The following TMEM38A variants were observed in gnomAD, a reference collection of about 807,000 sequenced individuals.
TMEM38A encodes the protein transmembrane protein 38A.
In TMEM38A, 17 loss-of-function variants were observed where a neutral mutation model predicts 28.6. That is an observed-to-expected ratio of 0.60 (90% CI 0.41 to 0.89). TMEM38A has a LOEUF of 0.89. TMEM38A is among the 40% of genes least tolerant of loss of function. TMEM38A has a pLI of 0.00. For synonymous variants in TMEM38A, 169 were observed against 166.1 expected (o/e 1.02, Z -0.14); for missense variants, 328 against 393.1 (o/e 0.83, Z 1.40).
chr19:16,671,548 G>A (rs1242433745), intron 1 of TMEM38A, among the ~76,000 whole-genome samples: 3 of 151,688 alleles, frequency 2.0e-5, no homozygotes, highest in East Asian at 3.9e-4. Flanking sequence ...ACTAAGGCTT[G>A]GGGGGGCAGG....
In TMEM38A at chr19:16,661,188, T is replaced by C; in HGVS notation, c.-30T>C. 3 of 1,337,292 alleles carry C rather than the reference T, an allele frequency of 2.2e-6. No individual in the cohort carries two copies. The highest frequency in any genetic ancestry group is 2.9e-6 in the Non-Finnish European group (3 of 1,030,988). 82.8% of individuals were successfully genotyped at this position (1,337,292 alleles called of 1,614,324 possible). A position where few individuals can be genotyped will look rare whatever the true frequency, so the allele number is the denominator to read the frequency against. On this transcript the variant is annotated 5_prime_UTR_variant, in exon 1 of 6. Coordinates refer to ENST00000187762, the MANE Select transcript of TMEM38A (RefSeq NM_024074.4). This position sits in a 1 kb window ranked among gnomAD's most constrained non-coding sequence, Gnocchi z 6.5. ...GGACGGACGAGGCCGGGGCCCCGGG[T>C]GGCACCCGGCAGGCGGGCAGGCGGG... is the stretch of plus-strand genomic sequence containing the variant.
chr19:16,688,020 A>T (rs898934645), intron 5 of TMEM38A, 124 bp from the exon 6 acceptor site: 1 of 656,894 alleles, frequency 1.5e-6, no homozygotes. Context: ...GGTCTGGGCT[A>T]CCTCCAACCT....
chr19:16,667,509 A>C (rs1310826975), intron 1 of TMEM38A, among the ~76,000 whole-genome samples: 1 of 152,162 alleles, frequency 6.6e-6, no homozygotes, highest in Non-Finnish European at 1.5e-5. Flanking sequence ...AGAATCTCTC[A>C]GACCAGTACT....
intron 1 of TMEM38A, among the ~76,000 whole-genome samples, chr19:16,670,172 A>G (rs868430971): frequency 1.0e-4 from 15 of 150,066 alleles, no homozygotes; most frequent in East Asian, 2.0e-4. Context: ...GTTTCATTCT[A>G]TTGGCCAGGC....
intron 4 of TMEM38A, among the ~76,000 whole-genome samples, chr19:16,684,141 C>CAGAG (rs10687050): frequency 8.8e-5 from 13 of 147,770 alleles, no homozygotes; most frequent in African/African-American, 2.5e-4. Context: ...AAGAAAGAAA[C>CAGAG]AGAGAGAGAG....
Position 16,680,544 on chromosome 19 carries a change from C to T in TMEM38A, c.429C>T (p.His143=), listed in dbSNP as rs771358505. The change falls in exon 3 of 6, where the codon CAC becomes CAT. Residue 143 remains histidine, a synonymous_variant. Coordinates refer to ENST00000187762, the MANE Select transcript of TMEM38A (RefSeq NM_024074.4). ...ATCACGCCCATCACCACTACCACCA[C>T]GGGTGGTTCGTCATGATTGCAACTG... ...GIHHAHHHYH[H]GWFVMIATGW... is the part of the protein sequence containing the mutation. 5.0e-5 allele frequency: 81 copies of T among 1,613,994 alleles called. 1 individual carries two copies. Among genetic ancestry groups the T allele is most frequent in the South Asian group, 4.7e-4 (43 of 91,092 alleles).
At chr19:16,685,669 A>G (rs1484635513) in intron 4 of TMEM38A, among the ~76,000 whole-genome samples, 1 of 152,164 alleles carries the variant, frequency 6.6e-6, no homozygotes, top group Non-Finnish European at 1.5e-5. Flanking sequence ...TGCATGGCCC[A>G]AGACCCCCAC....
At chr19:16,681,312 G>A (rs1488696681) in intron 3 of TMEM38A, among the ~76,000 whole-genome samples, 3 of 151,990 alleles carry the variant, frequency 2.0e-5, no homozygotes, top group Admixed American at 6.6e-5. Flanking sequence ...AAAAAATAAA[G>A]TAATAATGAA....
intron 1 of TMEM38A, among the ~76,000 whole-genome samples, chr19:16,667,277 A>AG (rs2086707399): frequency 7.7e-6 from 1 of 130,002 alleles, no homozygotes; most frequent in Admixed American, 7.3e-5. Context: ...ACTCCATTTC[A>AG]GGAAAAAAAA....
intron 3 of TMEM38A, among the ~76,000 whole-genome samples, chr19:16,681,402 A>G (rs2086781656): frequency 6.6e-6 from 1 of 152,218 alleles, no homozygotes; most frequent in African/African-American, 2.4e-5. Flanking sequence ...ATAAACATAT[A>G]TGCACCTAGA....
intron 1 of TMEM38A, among the ~76,000 whole-genome samples, chr19:16,671,269 G>A (rs150418464): frequency 1.4e-5 from 2 of 141,578 alleles, no homozygotes; most frequent in African/African-American, 2.7e-5. Flanking sequence ...GCAGTGGCAC[G>A]ATCTTGGCTC....
intron 4 of TMEM38A, among the ~76,000 whole-genome samples, chr19:16,682,856 G>A (rs1219114948): frequency 6.6e-6 from 1 of 152,212 alleles, no homozygotes; most frequent in Non-Finnish European, 1.5e-5. Context: ...TCAGGGTACA[G>A]GGTATGCATG....
intron 1 of TMEM38A, among the ~76,000 whole-genome samples, chr19:16,673,472 T>A (rs1035357650): frequency 1.2e-4 from 19 of 152,180 alleles, no homozygotes; most frequent in Admixed American, 1.0e-3. Flanking sequence ...TGTTGCAACA[T>A]TGTATCAGTG....
rs536519872 is a variant in TMEM38A, at chr19:16,676,888, G to A, written c.125-3096G>A. Among the ~76,000 whole-genome samples the A allele has an allele frequency of 2.0e-5, 3 of 150,678 alleles. No homozygotes were observed. In the East Asian group the frequency reaches 5.9e-4, roughly 29 times the overall value. The stretch of plus-strand genomic sequence containing the variant: ...CAATTCTCTTGACTCAGCCTCCCGA[G>A]TAGCTGAGATTAAAGGCGCCCACCA... On this transcript the variant is annotated intron_variant, in intron 1 of 5. Coordinates refer to ENST00000187762, the MANE Select transcript of TMEM38A (RefSeq NM_024074.4).
chr19:16,682,291 A>G, intron 3 of TMEM38A, 130 bp from the exon 4 acceptor site: 1 of 702,010 alleles, frequency 1.4e-6, no homozygotes, highest in Non-Finnish European at 2.5e-6. Context: ...GCTGATGATC[A>G]TACACCCCCA....
intron 3 of TMEM38A, chr19:16,680,790 A>C (rs2086778750): frequency 7.0e-6 from 4 of 568,060 alleles, no homozygotes; most frequent in Non-Finnish European, 1.3e-5. Flanking sequence ...AGGGGTACCT[A>C]AGACAGTGAT....
At chr19:16,672,847 A>G (rs1235694485) in intron 1 of TMEM38A, among the ~76,000 whole-genome samples, 2 of 152,170 alleles carry the variant, frequency 1.3e-5, no homozygotes, top group Non-Finnish European at 2.9e-5. Flanking sequence ...CTCAACCAGA[A>G]GGGATTCTGT....
chr19:16,673,629 G>A (rs937186994), intron 1 of TMEM38A, among the ~76,000 whole-genome samples: 2 of 152,168 alleles, frequency 1.3e-5, no homozygotes, highest in African/African-American at 4.8e-5. Context: ...AATGCCCACT[G>A]ATGCGCTCAC....
At chr19:16,674,111 G>A (rs1034067602) in intron 1 of TMEM38A, among the ~76,000 whole-genome samples, 18 of 149,906 alleles carry the variant, frequency 1.2e-4, no homozygotes, top group Middle Eastern at 6.9e-3. Flanking sequence ...AGGGCCAGGC[G>A]CTGTGGTTCA....
Sources: gnomAD v4.1 joint callset for allele counts (sites outside exome capture counted in the v4.1 genomes callset) on GRCh38, gnomAD v4.1.1 for gene constraint, Gnocchi (gnomAD v3.1) non-coding constraint, MANE v1.5 for transcripts, NCBI Gene and HGNC (gene_info 2026-07-23, HGNC 2026-07-21) for gene names.